Variants in SLC52A3 observed in about 807,000 individuals in gnomAD.
SLC52A3 encodes solute carrier family 52 member 3.
Under a neutral mutation model 29.5 loss-of-function variants are expected in SLC52A3, and 20 were observed. That is an observed-to-expected ratio of 0.68 (90% CI 0.48 to 0.99). SLC52A3 has a LOEUF of 0.99. Among genes scored for constraint, SLC52A3 ranks in the 50% least tolerant of loss-of-function variants. The pLI is 0.00. For synonymous variants in SLC52A3, 301 were observed against 271.0 expected (o/e 1.11, Z -1.09); for missense variants, 548 against 612.9 (o/e 0.89, Z 1.12).
chr20:773,751 G>A (rs1452606185), intron 1 of SLC52A3, among the ~76,000 whole-genome samples: 1 of 152,314 alleles, frequency 6.6e-6, no homozygotes, highest in Non-Finnish European at 1.5e-5. Context: ...AAGCTAGAAG[G>A]ATCAGTTCCA....
At chr20:775,177 C>T (rs1454226817) in intron 1 of SLC52A3, among the ~76,000 whole-genome samples, 1 of 152,194 alleles carries the variant, frequency 6.6e-6, no homozygotes, top group Non-Finnish European at 1.5e-5. Flanking sequence ...CAACTCCCAG[C>T]CTCCTTCCCA....
In SLC52A3 at chr20:765,214, G is replaced by A. The variant is rs546271483; in HGVS notation, c.561C>T (p.Ile187=). ...TCCGGGTGATGCTGGGTACCTGTGC[G>A]ATGTCAGTCTCCCTCGTGGGTACAG... The part of the protein sequence containing the change: ...PSPVPTRETD[I]AQGVPRALVS... Residue 187 remains isoleucine, a synonymous_variant, in exon 2 of 5, where the codon ATC becomes ATT. Transcript: ENST00000645534. This position sits in a 1 kb window ranked among gnomAD's most constrained non-coding sequence, Gnocchi z 6.6. 69 of 1,614,010 alleles carry A rather than the reference G, an allele frequency of 4.3e-5. 1 individual carries two copies. In the South Asian group the frequency reaches 6.0e-4, roughly 14 times the overall value.
At chr20:773,938 C>T (rs981145499) in intron 1 of SLC52A3, among the ~76,000 whole-genome samples, 2 of 152,164 alleles carry the variant, frequency 1.3e-5, no homozygotes, top group African/African-American at 4.8e-5. Flanking sequence ...CCCCCGCCCC[C>T]CTCCACATTC....
chr20:774,198 C>T (rs760657721), intron 1 of SLC52A3, among the ~76,000 whole-genome samples: 5 of 152,196 alleles, frequency 3.3e-5, no homozygotes, highest in Admixed American at 6.5e-5. Flanking sequence ...GGCACCTAGC[C>T]CTGTGGGCCA....
chr20:779,657 G>A, upstream of SLC52A3, among the ~76,000 whole-genome samples: 1 of 152,274 alleles, frequency 6.6e-6, no homozygotes, highest in South Asian at 2.1e-4. Context: ...CCTCCTGAAT[G>A]CTTTATAAAA....
intron 3 of SLC52A3, among the ~76,000 whole-genome samples, chr20:762,933 A>G (rs1256368795): frequency 6.6e-6 from 1 of 152,186 alleles, no homozygotes; most frequent in African/African-American, 2.4e-5. Flanking sequence ...TGGTTTCCTT[A>G]CTAAAAATTG....
intron 3 of SLC52A3, 29 bp downstream of exon 3, chr20:763,469 G>C (rs937525115): frequency 6.2e-7 from 1 of 1,613,450 alleles, no homozygotes; most frequent in African/African-American, 1.3e-5. Context: ...TCCCCCACTA[G>C]GATTCCCTAG....
intron 1 of SLC52A3, among the ~76,000 whole-genome samples, chr20:766,745 T>C (rs1417821703): frequency 2.0e-5 from 3 of 152,224 alleles, no homozygotes; most frequent in Admixed American, 6.5e-5. Flanking sequence ...AACAGCCTTG[T>C]TGCTCACACA....
Position 765,987 on chromosome 20 carries a change from G to T in SLC52A3, c.-51-162C>A. 3 of 588,256 alleles carry T rather than the reference G, an allele frequency of 5.1e-6. No individual in the cohort carries two copies. Among genetic ancestry groups the T allele is most frequent in the Non-Finnish European group, 9.0e-6 (3 of 331,514 alleles). 36.4% of individuals were successfully genotyped at this position (588,256 alleles called of 1,614,324 possible). On this transcript the variant is annotated intron_variant, in intron 1 of 4. Transcript: ENST00000645534. This position sits in a 1 kb window ranked among gnomAD's most constrained non-coding sequence, Gnocchi z 6.6. ...AGTTTCACTCTTTTAGTCCAGGCTG[G>T]AGTGCAATGGGATGATCTCGGCTCA... is the stretch of plus-strand genomic sequence containing the variant.
At chr20:761,961 C>T in intron 3 of SLC52A3, 137 bp from the exon 4 acceptor site, 1 of 1,347,272 alleles carries the variant, frequency 7.4e-7, no homozygotes, top group Non-Finnish European at 1.0e-6. Flanking sequence ...TTGCCTGGCT[C>T]AAGTGGGTCA....
intron 4 of SLC52A3, 60 bp from the exon 5 acceptor site, chr20:761,298 C>A: frequency 6.8e-7 from 1 of 1,480,896 alleles, no homozygotes; most frequent in Non-Finnish European, 9.1e-7. Context: ...AGCGCCGGAG[C>A]AAAGAACTCT....
upstream of SLC52A3, among the ~76,000 whole-genome samples, chr20:772,336 G>A (rs1019190020): frequency 6.6e-6 from 1 of 152,168 alleles, no homozygotes; most frequent in Admixed American, 6.5e-5. Flanking sequence ...GCACAGTGGG[G>A]GTGTGTCCCC....
upstream of SLC52A3, among the ~76,000 whole-genome samples, chr20:772,489 A>G (rs539061965): frequency 4.1e-4 from 63 of 152,286 alleles, no homozygotes; most frequent in African/African-American, 1.5e-3. Flanking sequence ...AGAGGGAACT[A>G]CATGTGCAAA....
Position 761,246 on chromosome 20 carries a change from G to T in SLC52A3, c.1198-8C>A, listed in dbSNP as rs1433006334. ...AAGCACCCACGAGGCCACCTGCGGG[G>T]CCGGGAGGGAAGAGGTGCAGAGTCA... On this transcript the variant is annotated splice_polypyrimidine_tract_variant and splice_region_variant and intron_variant, in intron 4 of 4. Transcript: ENST00000645534. 6.5e-7 allele frequency: 1 copy of T among 1,544,876 alleles called. No homozygotes were observed. Among genetic ancestry groups the T allele is most frequent in the Non-Finnish European group, 8.7e-7 (1 of 1,144,572 alleles).
chr20:763,110 G>A (rs1265107587), intron 3 of SLC52A3, among the ~76,000 whole-genome samples: 3 of 152,196 alleles, frequency 2.0e-5, no homozygotes, highest in Non-Finnish European at 4.4e-5. Context: ...CAAGCCTCAG[G>A]GTTTCCCCTT....
chr20:761,788 C>A lies in SLC52A3; in HGVS notation c.1110G>T (p.Gly370=). The A allele has an allele frequency of 1.2e-6, 2 of 1,614,176 alleles. No individual in the cohort carries two copies. Among genetic ancestry groups the A allele is most frequent in the Non-Finnish European group, 1.7e-6 (2 of 1,180,012 alleles). ...LLFLGVLSVL[G]TCFGGYNMAM... ...CCATGTTGTAGCCCCCAAAGCAGGT[C>A]CCAAGCACGGAGAGGACCCCCAGGA... Residue 370 remains glycine (G), a synonymous_variant, in exon 4 of 5, where the codon GGG becomes GGT. Transcript: ENST00000645534.
intron 1 of SLC52A3, among the ~76,000 whole-genome samples, chr20:767,835 C>T (rs2122534794): frequency 6.6e-6 from 1 of 152,328 alleles, no homozygotes; most frequent in South Asian, 2.1e-4. Flanking sequence ...AGCCATTCTG[C>T]CATCTGTTTA....
upstream of SLC52A3, among the ~76,000 whole-genome samples, chr20:777,406 C>T (rs890017063): frequency 6.6e-5 from 10 of 152,124 alleles, no homozygotes; most frequent in African/African-American, 2.2e-4. Context: ...TATGTCTACA[C>T]CTTAGGAGGA....
chr20:763,925 C>T lies in SLC52A3; in HGVS notation c.646G>A (p.Ala216Thr), dbSNP rs202130911. ...LSHLESRYLP[A>T]HFSPLVFFLL... ...AAGAAGACCAGGGGTGAGAAGTGGG[C>T]GGGAAGGTAGCGGCTCTCCAGGTGG... is the stretch of plus-strand genomic sequence containing the variant. Residue 216 changes from alanine (A) to threonine (T), a missense_variant, in exon 3 of 5, where the codon GCC becomes ACC. Around this residue, in one of 2 missense-constraint regions of SLC52A3, gnomAD observed 375 missense variants for 471.1 expected, o/e 0.80. Transcript: ENST00000645534. The T allele has an allele frequency of 5.0e-5, 81 of 1,613,824 alleles. No individual in the cohort carries two copies. The Admixed American group carries it at 6.8e-4, about 14-fold the overall frequency.
Sources: allele counts gnomAD v4.1 joint callset (sites outside exome capture counted in the v4.1 genomes callset), GRCh38; gene constraint gnomAD v4.1.1; regional missense constraint gnomAD v4.1.1; non-coding constraint Gnocchi (gnomAD v3.1); transcripts MANE v1.5; gene names NCBI Gene and HGNC (gene_info 2026-07-23, HGNC 2026-07-21).